Variants in ADAMTSL3 observed in about 807,000 individuals in gnomAD.
ADAMTSL3 encodes ADAMTS like 3, also known as ADAMTS-like protein 3.
In ADAMTSL3, 128 loss-of-function variants were observed where a neutral mutation model predicts 201.7. The observed-to-expected ratio is 0.63, with a 90% CI of 0.55 to 0.73. The LOEUF is 0.73. Ranked by LOEUF, ADAMTSL3 falls within the 30% of genes least tolerant of loss-of-function variation. The probability of loss-of-function intolerance (pLI) is 0.00; values close to 1 mark genes in which losing one functional copy is unlikely to be tolerated. For synonymous variants in ADAMTSL3, 738 were observed against 748.4 expected (o/e 0.99, Z 0.23); for missense variants, 1,990 against 2,119.6 (o/e 0.94, Z 1.20).
rs2066345827 is a variant in ADAMTSL3 at position 83,931,044 on chromosome 15, T to C, written c.2117+7011T>C. ...TGGGGTGTTGGATGTTTATTTGCTT[T>C]TATGGGGTTACTCCCCCTGATCTAT... is the stretch of plus-strand genomic sequence containing the variant. On this transcript the variant is annotated intron_variant, in intron 17 of 29. Coordinates refer to ENST00000286744, the MANE Select transcript of ADAMTSL3 (RefSeq NM_207517.3). Among the ~76,000 whole-genome samples the C allele has an allele frequency of 2.6e-5, 4 of 152,134 alleles. No individual in the cohort carries two copies. In the South Asian group the frequency reaches 8.3e-4, roughly 31 times the overall value.
At chr15:83,925,783 T>C (rs2066234843) in intron 17 of ADAMTSL3, among the ~76,000 whole-genome samples, 1 of 152,172 alleles carries the variant, frequency 6.6e-6, no homozygotes, top group Non-Finnish European at 1.5e-5. Context: ...GTTCTATTAT[T>C]GGAACCACTG....
intron 19 of ADAMTSL3, among the ~76,000 whole-genome samples, chr15:83,969,806 A>G (rs2067159186): frequency 6.6e-6 from 1 of 152,250 alleles, no homozygotes; most frequent in African/African-American, 2.4e-5. Flanking sequence ...TCTGCGGAAA[A>G]ACATAGTGCC....
chr15:84,012,233 T>TA (rs2068018748), intron 23 of ADAMTSL3, among the ~76,000 whole-genome samples: 1 of 152,224 alleles, frequency 6.6e-6, no homozygotes, highest in South Asian at 2.1e-4. Flanking sequence ...AACTGACTGT[T>TA]ACACTTAGAG....
At chr15:83,730,094 C>T (rs2062241702) in intron 3 of ADAMTSL3, among the ~76,000 whole-genome samples, 1 of 152,010 alleles carries the variant, frequency 6.6e-6, no homozygotes, top group Non-Finnish European at 1.5e-5. Flanking sequence ...TGAAAAAGAC[C>T]ACTCAGCGTG....
At chr15:83,884,338 C>CTTTTT (rs35308485) in intron 9 of ADAMTSL3, among the ~76,000 whole-genome samples, 6 of 114,486 alleles carry the variant, frequency 5.2e-5, no homozygotes, top group Non-Finnish European at 8.7e-5. Flanking sequence ...GCCCTATTTC[C>CTTTTT]TTTTTTTTTT....
chr15:83,690,598 A>T (rs1164982643), intron 2 of ADAMTSL3, among the ~76,000 whole-genome samples: 11 of 152,032 alleles, frequency 7.2e-5, no homozygotes, highest in Non-Finnish European at 1.5e-4. Flanking sequence ...GTGCCCCCCT[A>T]GCACTCTGTT....
intron 2 of ADAMTSL3, among the ~76,000 whole-genome samples, chr15:83,658,253 C>T (rs573827460): frequency 3.3e-5 from 5 of 152,038 alleles, no homozygotes; most frequent in South Asian, 2.1e-4. Flanking sequence ...GGACTACAGG[C>T]GCACACTACC....
At chr15:83,720,181 T>C (rs1030410190) in intron 3 of ADAMTSL3, among the ~76,000 whole-genome samples, 1 of 152,182 alleles carries the variant, frequency 6.6e-6, no homozygotes, top group African/African-American at 2.4e-5. Flanking sequence ...ATCATACCAC[T>C]GCACTCCAGC....
At chr15:83,739,938 C>T (rs1362942719) in intron 3 of ADAMTSL3, 1 of 555,114 alleles carries the variant, frequency 1.8e-6, no homozygotes, top group Non-Finnish European at 3.6e-6. Context: ...TCAACACCTT[C>T]TTCAGTGAGA....
intron 17 of ADAMTSL3, among the ~76,000 whole-genome samples, chr15:83,933,045 T>C (rs1347313137): frequency 6.6e-6 from 1 of 152,254 alleles, no homozygotes; most frequent in Admixed American, 6.5e-5. Context: ...TCTGAAACTT[T>C]CTATTTGGTC....
chr15:83,823,954 TCTTCTTCTTCTTCTTCTTCTC>T (rs1232313337), intron 6 of ADAMTSL3, among the ~76,000 whole-genome samples: 1,801 of 68,458 alleles, frequency 0.026, 84 homozygotes, highest in Admixed American at 0.084. Context: ...TTCTTCTTCT[TCTTCTTCTTCTTCTTCTTCTC>T]CTCCTCCTCC....
Position 83,674,001 on chromosome 15 carries a change from A to G in ADAMTSL3, c.69+18171A>G, listed in dbSNP as rs535568841. Reference sequence around the variant, plus strand: ...TGGTTTGTAAATATTTTCTCCCAGTATGTAGCTTGATTCTTTTACCCTCTT... The same window carrying G: ...TGGTTTGTAAATATTTTCTCCCAGTGTGTAGCTTGATTCTTTTACCCTCTT... On this transcript the variant is annotated intron_variant, in intron 2 of 29. Coordinates refer to ENST00000286744, the MANE Select transcript of ADAMTSL3 (RefSeq NM_207517.3). 5.4e-5 allele frequency among the ~76,000 whole-genome samples: 8 copies of G among 149,426 alleles called. No individual in the cohort carries two copies. The East Asian group carries it at 1.6e-3, about 29-fold the overall frequency.
At chr15:83,987,280 G>C (rs912223814) in intron 21 of ADAMTSL3, among the ~76,000 whole-genome samples, 1 of 152,132 alleles carries the variant, frequency 6.6e-6, no homozygotes, top group African/African-American at 2.4e-5. Context: ...GCCAGCTTTT[G>C]TATATTTCTT....
rs759278481 is a variant in ADAMTSL3, at chr15:83,868,937, C to T, written c.803-1865C>T. ...TATCGTAGCAACTGGTCCTCCCTTC[C>T]TCCCAGATCACCTTCCCAGATTTTT... On this transcript the variant is annotated intron_variant, in intron 8 of 29. Coordinates refer to ENST00000286744, the MANE Select transcript of ADAMTSL3 (RefSeq NM_207517.3). Among the ~76,000 whole-genome samples, 64 of 152,144 alleles carry T rather than the reference C, an allele frequency of 4.2e-4. 1 individual carries two copies. The highest frequency in any genetic ancestry group is 5.6e-4 in the Non-Finnish European group (38 of 68,030).
At chr15:83,865,335 G>A (rs1420293784) in intron 8 of ADAMTSL3, among the ~76,000 whole-genome samples, 3 of 151,952 alleles carry the variant, frequency 2.0e-5, no homozygotes, top group Non-Finnish European at 2.9e-5. Flanking sequence ...ACAAAGCTGG[G>A]GGCATCACGC....
intron 7 of ADAMTSL3, among the ~76,000 whole-genome samples, chr15:83,854,311 A>G (rs2064685839): frequency 6.6e-6 from 1 of 151,852 alleles, no homozygotes; most frequent in Non-Finnish European, 1.5e-5. Flanking sequence ...CATATTCTGG[A>G]TTTGTCTAAT....
intron 4 of ADAMTSL3, among the ~76,000 whole-genome samples, chr15:83,782,322 C>T (rs184639744): frequency 6.6e-6 from 1 of 152,046 alleles, no homozygotes; most frequent in South Asian, 2.1e-4. Flanking sequence ...ACTAAAAATA[C>T]AAAAATTAGC....
chr15:83,865,827 A>G (rs1413922184), intron 8 of ADAMTSL3, among the ~76,000 whole-genome samples: 1 of 152,214 alleles, frequency 6.6e-6, no homozygotes, highest in East Asian at 1.9e-4. Flanking sequence ...TGAACAGGCA[A>G]CCTACAGAAT....
chr15:83,870,352 A>G (rs537522863), intron 8 of ADAMTSL3, among the ~76,000 whole-genome samples: 2 of 152,324 alleles, frequency 1.3e-5, no homozygotes, highest in African/African-American at 4.8e-5. Flanking sequence ...TATTTTTGCA[A>G]CTTCCTGTTA....
Sources: gnomAD v4.1 joint callset for allele counts (sites outside exome capture counted in the v4.1 genomes callset) on GRCh38, gnomAD v4.1.1 for gene constraint, MANE v1.5 for transcripts, NCBI Gene and HGNC (gene_info 2026-07-23, HGNC 2026-07-21) for gene names.